Variants in MALL observed in about 807,000 individuals in gnomAD.
The protein encoded by MALL is MAL-like protein.
In MALL, 2 loss-of-function variants were observed where a neutral mutation model predicts 10.3. That is an observed-to-expected ratio of 0.19 (90% CI 0.08 to 0.61). The LOEUF (loss-of-function observed/expected upper bound fraction) is 0.61. Ranked by LOEUF, MALL falls within the 20% of genes least tolerant of loss-of-function variation. The pLI, the probability that MALL is intolerant of heterozygous loss-of-function variation, is 0.88. For synonymous variants in MALL, 27 were observed against 51.8 expected (o/e 0.52, Z 2.05); for missense variants, 39 against 115.2 (o/e 0.34, Z 3.03).
At chr2:110,113,785 C>T (rs1678854821) in intron 1 of MALL, among the ~76,000 whole-genome samples, 1 of 152,068 alleles carries the variant, frequency 6.6e-6, no homozygotes, top group Admixed American at 6.5e-5. Flanking sequence ...CTTGATAGCA[C>T]AGTATCAGTG....
At chr2:110,110,572 A>G (rs1678782162) in intron 1 of MALL, among the ~76,000 whole-genome samples, 1 of 152,154 alleles carries the variant, frequency 6.6e-6, no homozygotes, top group African/African-American at 2.4e-5. Context: ...TTGAAATGGT[A>G]ATTTAAAAAT....
chr2:110,113,392 C>T (rs1297367935), intron 1 of MALL, among the ~76,000 whole-genome samples: 9 of 141,570 alleles, frequency 6.4e-5, no homozygotes, highest in Non-Finnish European at 1.1e-4. Context: ...GAGCCAAGAT[C>T]GCGCCACTGC....
chr2:110,108,057 C>A (rs1402423433), intron 1 of MALL, among the ~76,000 whole-genome samples: 1 of 152,188 alleles, frequency 6.6e-6, no homozygotes, highest in African/African-American at 2.4e-5. Context: ...CCTAGACCTT[C>A]ACTCTGACAG....
intron 1 of MALL, among the ~76,000 whole-genome samples, chr2:110,114,494 A>T (rs183393636): frequency 6.6e-6 from 1 of 151,920 alleles, no homozygotes; most frequent in Admixed American, 6.5e-5. Context: ...CGTAGGACTC[A>T]TCAGAGCACG....
At chr2:110,097,107 A>G (rs1308439581) in intron 1 of MALL, among the ~76,000 whole-genome samples, 2 of 151,706 alleles carry the variant, frequency 1.3e-5, no homozygotes, top group Admixed American at 6.6e-5. Flanking sequence ...AAAAAAAAAA[A>G]AGAGAGAGAA....
intron 1 of MALL, among the ~76,000 whole-genome samples, chr2:110,106,725 G>C (rs932126049): frequency 2.0e-5 from 3 of 152,064 alleles, no homozygotes; most frequent in Non-Finnish European, 2.9e-5. Flanking sequence ...ATTTTCCCTG[G>C]AGAACTGAGC....
chr2:110,101,060 GC>G (rs1030407315), intron 1 of MALL, among the ~76,000 whole-genome samples: 1 of 151,222 alleles, frequency 6.6e-6, no homozygotes, highest in African/African-American at 2.4e-5. Flanking sequence ...CCTGTGGGTG[GC>G]TCAGAGACCC....
intron 1 of MALL, among the ~76,000 whole-genome samples, chr2:110,095,895 G>A (rs1678430375): frequency 2.0e-5 from 3 of 152,120 alleles, no homozygotes. Flanking sequence ...AGATGGGACC[G>A]CTTGAGCTTC....
At chr2:110,113,465 A>G (rs1465299549) in intron 1 of MALL, among the ~76,000 whole-genome samples, 1 of 149,094 alleles carries the variant, frequency 6.7e-6, no homozygotes, top group African/African-American at 2.5e-5. Context: ...AAAAAAGACT[A>G]CAAATGTAGT....
chr2:110,095,088 G>A (rs890128339), intron 1 of MALL, among the ~76,000 whole-genome samples: 4 of 150,582 alleles, frequency 2.7e-5, no homozygotes, highest in Admixed American at 2.6e-4. Flanking sequence ...CCAGAGCCAA[G>A]GGCTGCAGGT....
upstream of MALL, among the ~76,000 whole-genome samples, chr2:110,116,783 C>T (rs895433223): frequency 7.2e-5 from 11 of 152,328 alleles, no homozygotes; most frequent in East Asian, 1.9e-4. Flanking sequence ...TTCATTTTCC[C>T]GACCCGCCCT....
At chr2:110,118,000 GAA>G (rs1678957352), upstream of MALL, among the ~76,000 whole-genome samples, 1 of 151,994 alleles carries the variant, frequency 6.6e-6, no homozygotes, top group African/African-American at 2.4e-5. Context: ...CCAGAGGAAA[GAA>G]AATGGGAAAC....
chr2:110,100,221 G>C (rs943364949), intron 1 of MALL, among the ~76,000 whole-genome samples: 7 of 152,130 alleles, frequency 4.6e-5, no homozygotes. Flanking sequence ...GCTCACACCT[G>C]TAATCCCAGC....
chr2:110,106,283 C>G (rs1243664735), intron 1 of MALL, among the ~76,000 whole-genome samples: 4 of 152,114 alleles, frequency 2.6e-5, no homozygotes, highest in African/African-American at 4.8e-5. Flanking sequence ...TAAAATTCAG[C>G]TTATAAAAAA....
At chr2:110,108,143 A>G (rs1678732749) in intron 1 of MALL, among the ~76,000 whole-genome samples, 1 of 152,106 alleles carries the variant, frequency 6.6e-6, no homozygotes, top group Non-Finnish European at 1.5e-5. Flanking sequence ...ATACCCCCCA[A>G]AATCACACTA....
chr2:110,103,094 G>A (rs1678609110), intron 1 of MALL, among the ~76,000 whole-genome samples: 1 of 152,160 alleles, frequency 6.6e-6, no homozygotes, highest in Admixed American at 6.5e-5. Flanking sequence ...CCAGACTCAT[G>A]ATATCCGGCC....
chr2:110,114,641 C>T (rs1490484976), intron 1 of MALL, among the ~76,000 whole-genome samples: 2 of 151,528 alleles, frequency 1.3e-5, no homozygotes, highest in East Asian at 3.9e-4. Flanking sequence ...TTTCTGGTCG[C>T]CATCAATGGC....
At chr2:110,098,094 C>T (rs554118668) in intron 1 of MALL, among the ~76,000 whole-genome samples, 2 of 151,870 alleles carry the variant, frequency 1.3e-5, no homozygotes, top group Non-Finnish European at 2.9e-5. Flanking sequence ...CTCCCTCTGC[C>T]ATTGTGATAT....
chr2:110,110,073 G>A lies in MALL; in HGVS notation c.105+5615C>T, dbSNP rs574996550. On this transcript the variant is annotated intron_variant, in intron 1 of 3. Transcript: ENST00000272462. ...ACCTCTGGTATATAGCAAAGGCAGT[G>A]TTAAGAGGAAAGTTCATAGCCCTAA... Among the ~76,000 whole-genome samples the A allele has an allele frequency of 5.0e-4, 76 of 152,244 alleles. 1 individual carries two copies. The highest frequency in any genetic ancestry group is 1.8e-3 in the African/African-American group (74 of 41,566).
Sources: allele counts gnomAD v4.1 joint callset (sites outside exome capture counted in the v4.1 genomes callset), GRCh38; gene constraint gnomAD v4.1.1; transcripts MANE v1.5; gene names NCBI Gene and HGNC (gene_info 2026-07-23, HGNC 2026-07-21).